The following DENND1C variants were observed in gnomAD, a reference collection of about 807,000 sequenced individuals.
DENND1C encodes the protein DENN domain-containing protein 1C.
A neutral mutation model predicts 87.9 loss-of-function variants in DENND1C; 64 were observed. The ratio of observed to expected loss-of-function variants is 0.73; its 90% CI spans 0.60 to 0.90. DENND1C has a LOEUF of 0.90. Among genes scored for constraint, DENND1C ranks in the 40% least tolerant of loss-of-function variants. The pLI is 0.00. For missense variants in DENND1C, 980 were observed against 1,037.0 expected (o/e 0.95, Z 0.76); for synonymous variants, 384 against 424.4 (o/e 0.90, Z 1.17).
At position 6,481,736 on chromosome 19, in the gene DENND1C, G is replaced by T; in HGVS notation, c.-41C>A. The T allele has an allele frequency of 1.3e-6, 2 of 1,527,174 alleles. No individual in the cohort carries two copies. Among genetic ancestry groups the T allele is most frequent in the South Asian group, 1.3e-5 (1 of 79,028 alleles). The allele number at this position is 1,527,174 out of a possible 1,614,324, so 94.6% of individuals were successfully genotyped here. A position where few individuals can be genotyped will look rare whatever the true frequency, so the allele number is the denominator to read the frequency against. The stretch of plus-strand genomic sequence containing the variant: ...AGCCCAGCGGGGCCCTCTCCCCAGG[G>T]GTCCTGGGGGCCTGTGTATGCTGGG... On this transcript the variant is annotated 5_prime_UTR_variant, in exon 1 of 23. Coordinates refer to ENST00000381480, the MANE Select transcript of DENND1C (RefSeq NM_024898.4).
At position 6,481,747 on chromosome 19, in the gene DENND1C, C is replaced by T; in HGVS notation, c.-52G>A. The T allele has an allele frequency of 6.6e-7, 1 of 1,506,726 alleles. No individual in the cohort carries two copies. Among genetic ancestry groups the T allele is most frequent in the Non-Finnish European group, 8.8e-7 (1 of 1,131,762 alleles). The allele number at this position is 1,506,726 out of a possible 1,614,324, so 93.3% of individuals were successfully genotyped here. A position where few individuals can be genotyped will look rare whatever the true frequency, so the allele number is the denominator to read the frequency against. The stretch of plus-strand genomic sequence containing the variant: ...GCCCTCTCCCCAGGGGTCCTGGGGG[C>T]CTGTGTATGCTGGGCCCCAAGCCGG... On this transcript the variant is annotated 5_prime_UTR_variant, in exon 1 of 23. Transcript: ENST00000381480.
At position 6,467,778 on chromosome 19, in the gene DENND1C, C is replaced by T. The variant is rs2092803836; in HGVS notation, c.2132G>A (p.Ser711Asn). 2.0e-6 allele frequency: 3 copies of T among 1,525,262 alleles called. No individual in the cohort carries two copies. Among genetic ancestry groups the T allele is most frequent in the African/African-American group, 1.4e-5 (1 of 71,912 alleles). 94.5% of individuals were successfully genotyped at this position (1,525,262 alleles called of 1,614,324 possible). A position where few individuals can be genotyped will look rare whatever the true frequency, so the allele number is the denominator to read the frequency against. Residue 711 changes from serine (S) to asparagine (N), a missense_variant, in exon 23 of 23, where the codon AGC becomes AAC. Physicochemically the swap from Ser to Asn is conservative, Grantham distance 46. Transcript: ENST00000381480. ...PWLSTAPTEP[S>N]PPESPQILAP... ...CAGAATTTGGGGGCTTTCTGGAGGG[C>T]TGGGCTCAGTGGGTGCAGTGGAGAG...
chr19:6,474,066 A>G (rs2092845230), intron 14 of DENND1C, among the ~76,000 whole-genome samples: 1 of 152,064 alleles, frequency 6.6e-6, no homozygotes, highest in African/African-American at 2.4e-5. Context: ...GTGGTGGTGC[A>G]TGCCTGTAAT....
At chr19:6,470,402 G>A (rs1295142661) in intron 17 of DENND1C, 36 bp from the exon 18 acceptor site, 1 of 1,596,746 alleles carries the variant, frequency 6.3e-7, no homozygotes, top group African/African-American at 1.3e-5. Context: ...GAGAGGCTAG[G>A]GCCAGATCCC....
At chr19:6,476,785 A>C in intron 10 of DENND1C, 72 bp downstream of exon 10, 16 of 1,453,114 alleles carry the variant, frequency 1.1e-5, no homozygotes, top group Non-Finnish European at 1.5e-5. Context: ...GCCAGGAATC[A>C]GCCCCCTTGT....
Position 6,478,869 on chromosome 19 carries a change from C to G in DENND1C, c.297-17G>C. ...GGCAGGTGGCTGTGGAGAGAGGAGA[C>G]AGGTTCCACGAAGTGTCCCTAGGCC... On this transcript the variant is annotated splice_polypyrimidine_tract_variant and intron_variant, in intron 5 of 22. Coordinates refer to ENST00000381480, the MANE Select transcript of DENND1C (RefSeq NM_024898.4). 1.2e-6 allele frequency: 2 copies of G among 1,613,852 alleles called. No homozygotes were observed. The highest frequency in any genetic ancestry group is 8.5e-7 in the Non-Finnish European group (1 of 1,179,802).
In DENND1C at chr19:6,467,506, A is replaced by G. The variant is rs761423689; in HGVS notation, c.2404T>C (p.Ter802GlnextTer26). 1.3e-6 allele frequency: 2 copies of G among 1,586,020 alleles called. No homozygotes were observed. Among genetic ancestry groups the G allele is most frequent in the South Asian group, 2.3e-5 (2 of 87,000 alleles). Residue 802 changes from the stop codon to glutamine, a stop_lost, in exon 23 of 23, where the codon TAA (stop) becomes CAA (glutamine). Coordinates refer to ENST00000381480, the MANE Select transcript of DENND1C (RefSeq NM_024898.4). ...VADLKKCFEG[*>Q] The stretch of plus-strand genomic sequence containing the variant: ...GGTCTCTCTTGGACCCCTGATTCTT[A>G]ACCCTCAAAGCACTTCTTAAGATCA...
At chr19:6,476,451 T>G in intron 10 of DENND1C, 1 of 182,752 alleles carries the variant, frequency 5.5e-6, no homozygotes, top group Non-Finnish European at 1.1e-5. Context: ...GCGCCCCTTG[T>G]TATCTGAGTC....
intron 5 of DENND1C, 22 bp downstream of exon 5, chr19:6,478,915 C>A (rs2092879334): frequency 6.2e-7 from 1 of 1,613,782 alleles, no homozygotes; most frequent in Non-Finnish European, 8.5e-7. Flanking sequence ...CCATCCCCCC[C>A]TCCAACCCCC....
chr19:6,476,932 G>C lies in DENND1C; in HGVS notation c.603C>G (p.Asp201Glu). The C allele has an allele frequency of 6.2e-7, 1 of 1,613,648 alleles. No homozygotes were observed. Among genetic ancestry groups the C allele is most frequent in the Non-Finnish European group, 8.5e-7 (1 of 1,179,802 alleles). The change falls in exon 10 of 23, where the codon GAC (aspartate) becomes GAG (glutamate). Residue 201 changes from aspartate to glutamate, a missense_variant. Asp to Glu is a conservative substitution (Grantham distance 45, BLOSUM62 2). Transcript: ENST00000381480. ...CCGCGAACAGCCCCACGATGTTCTC[G>C]TCAGTCACGGCCACCACCAGCTCCG... ...NLTELVVAVT[D>E]ENIVGLFAAL...
rs1427202628 is a variant in DENND1C, at chr19:6,479,846, C to T, written c.126+13G>A. 5 of 1,612,184 alleles carry T rather than the reference C, an allele frequency of 3.1e-6. No homozygotes were observed. In the South Asian group the frequency reaches 5.5e-5, roughly 18 times the overall value. On this transcript the variant is annotated intron_variant, in intron 3 of 22. Transcript: ENST00000381480. ...GCCCTCGCCCTGGGGGAGCAAGGAG[C>T]CAGCCTGAATACCTGGTCCCTGAAG... is the stretch of plus-strand genomic sequence containing the variant.
chr19:6,467,693 T>C lies in DENND1C; in HGVS notation c.2217A>G (p.Ser739=), dbSNP rs761176455. 3 of 1,519,384 alleles carry C rather than the reference T, an allele frequency of 2.0e-6. No homozygotes were observed. The Admixed American group carries it at 6.8e-5, about 35-fold the overall frequency. 94.1% of individuals were successfully genotyped at this position (1,519,384 alleles called of 1,614,324 possible). A position where few individuals can be genotyped will look rare whatever the true frequency, so the allele number is the denominator to read the frequency against. ...AWTSQPLDPS[S]DPSSLEDPRA... ...TGGGGTCCTCCAGAGAACTGGGGTCTGAGGAAGGATCAAGGGGCTGGGACG... is the reference window on the plus strand; with the variant it reads ...TGGGGTCCTCCAGAGAACTGGGGTCCGAGGAAGGATCAAGGGGCTGGGACG... Residue 739 remains serine, a synonymous_variant, in exon 23 of 23, where the codon TCA becomes TCG. Transcript: ENST00000381480.
chr19:6,470,343 G>A lies in DENND1C; in HGVS notation c.1314C>T (p.His438=). Reference sequence around the variant, plus strand: ...CTGGTTGGGTCTTGGCCTTGACTGAGTGCAGGAGGGCGCCACCACCTTTCT... The same window carrying A: ...CTGGTTGGGTCTTGGCCTTGACTGAATGCAGGAGGGCGCCACCACCTTTCT... The part of the protein sequence containing the change: ...NLKKGGGALL[H]SVKAKTQPAV... The change falls in exon 18 of 23, where the codon CAC becomes CAT. Residue 438 remains histidine (H), a synonymous_variant. Coordinates refer to ENST00000381480, the MANE Select transcript of DENND1C (RefSeq NM_024898.4). 1 of 1,612,948 alleles carries A rather than the reference G, an allele frequency of 6.2e-7. No homozygotes were observed. The highest frequency in any genetic ancestry group is 8.5e-7 in the Non-Finnish European group (1 of 1,179,548).
rs573542622 is a variant in DENND1C, at chr19:6,476,831, C to A, written c.678+26G>T. ...GGGGCGGAGCCAGGCCCTGCTCCCA[C>A]CCCGGCCCGGCGGACCCCGCCTCAC... On this transcript the variant is annotated intron_variant, in intron 10 of 22. Coordinates refer to ENST00000381480, the MANE Select transcript of DENND1C (RefSeq NM_024898.4). The A allele has an allele frequency of 3.3e-5, 52 of 1,599,910 alleles. No homozygotes were observed. The East Asian group carries it at 1.1e-3, about 32-fold the overall frequency.
intron 17 of DENND1C, among the ~76,000 whole-genome samples, chr19:6,471,051 G>C (rs1210332561): frequency 2.6e-5 from 4 of 151,684 alleles, no homozygotes; most frequent in Non-Finnish European, 4.4e-5. Context: ...ACCTCCTGGG[G>C]CTCAAGCCAT....
intron 18 of DENND1C, chr19:6,470,061 G>A (rs747661952): frequency 5.7e-5 from 29 of 508,132 alleles, no homozygotes; most frequent in Non-Finnish European, 8.7e-5. Flanking sequence ...TAAAGGGGCC[G>A]TGGGCGGGGC....
At chr19:6,471,161 G>A in intron 17 of DENND1C, 104 bp downstream of exon 17, 1 of 1,486,538 alleles carries the variant, frequency 6.7e-7, no homozygotes, top group Non-Finnish European at 9.1e-7. Flanking sequence ...GCCCTAACCG[G>A]TCTCAAACTT....
chr19:6,477,522 C>A, intron 6 of DENND1C, 64 bp from the exon 7 acceptor site: 1 of 1,497,256 alleles, frequency 6.7e-7, no homozygotes. Flanking sequence ...ATTCCGAGGG[C>A]TATGACTAAG....
At chr19:6,480,594 CTATCT>C (rs1186634014) in intron 1 of DENND1C, 13 of 393,088 alleles carry the variant, frequency 3.3e-5, no homozygotes, top group African/African-American at 3.2e-4. Context: ...ATCTATCTAT[CTATCT>C]ATCTATCTAT....
Sources: gnomAD v4.1 joint callset for allele counts (sites outside exome capture counted in the v4.1 genomes callset) on GRCh38, gnomAD v4.1.1 for gene constraint, MANE v1.5 for transcripts, NCBI Gene and HGNC (gene_info 2026-07-23, HGNC 2026-07-21) for gene names.